The following CENPP variants were observed in gnomAD, a reference collection of about 807,000 sequenced individuals.
CENPP encodes centromere protein P.
Under a neutral mutation model 35.6 loss-of-function variants are expected in CENPP, and 24 were observed. That is an observed-to-expected ratio of 0.67 (90% CI 0.49 to 0.95). The LOEUF is 0.95. CENPP is among the 40% of genes least tolerant of loss of function. CENPP has a pLI of 0.00. For synonymous variants in CENPP, 120 were observed against 125.5 expected (o/e 0.96, Z 0.29); for missense variants, 332 against 345.3 (o/e 0.96, Z 0.31).
intron 5 of CENPP, chr9:92,384,922 C>T (rs1319748267): frequency 6.6e-6 from 1 of 152,234 alleles, no homozygotes; most frequent in African/African-American, 2.4e-5. Flanking sequence ...TTTTGGTAGA[C>T]TTAGAATGTT....
chr9:92,367,258 T>G (rs1841910072), intron 4 of CENPP, among the ~76,000 whole-genome samples: 1 of 151,826 alleles, frequency 6.6e-6, no homozygotes, highest in Non-Finnish European at 1.5e-5. Context: ...CCTCCACCTC[T>G]CGGGTTCAAG....
chr9:92,404,316 C>T (rs1048647440), intron 5 of CENPP, among the ~76,000 whole-genome samples: 5 of 152,090 alleles, frequency 3.3e-5, no homozygotes, highest in African/African-American at 1.2e-4. Flanking sequence ...CTGCAGCACC[C>T]TATTCTTGCC....
intron 5 of CENPP, among the ~76,000 whole-genome samples, chr9:92,605,173 G>A (rs773547043): frequency 5.9e-5 from 9 of 151,658 alleles, no homozygotes; most frequent in Non-Finnish European, 1.2e-4. Flanking sequence ...TAGAGAAGGG[G>A]TTACACCATG....
intron 5 of CENPP, among the ~76,000 whole-genome samples, chr9:92,528,776 G>A (rs570421208): frequency 3.4e-4 from 52 of 152,258 alleles, no homozygotes; most frequent in African/African-American, 9.1e-4. Context: ...ATTAAACTGC[G>A]TACAATAACT....
chr9:92,546,353 G>C (rs533573606), intron 5 of CENPP, among the ~76,000 whole-genome samples: 1 of 152,294 alleles, frequency 6.6e-6, no homozygotes, highest in South Asian at 2.1e-4. Context: ...CTGTGTGGAA[G>C]CTTTGTTCTT....
intron 2 of CENPP, among the ~76,000 whole-genome samples, chr9:92,336,164 T>C (rs570989632): frequency 6.6e-6 from 1 of 152,230 alleles, no homozygotes; most frequent in South Asian, 2.1e-4. Flanking sequence ...CTTCAATCTC[T>C]TTTTTTTCTG....
intron 5 of CENPP, chr9:92,470,639 A>G (rs1314146219): frequency 8.4e-7 from 1 of 1,187,762 alleles, no homozygotes; most frequent in Admixed American, 2.3e-5. Flanking sequence ...TTTCACTTAA[A>G]TCTTTGAAAG....
chr9:92,329,795 C>T (rs1840686046), intron 1 of CENPP, among the ~76,000 whole-genome samples: 1 of 152,182 alleles, frequency 6.6e-6, no homozygotes, highest in Non-Finnish European at 1.5e-5. Flanking sequence ...TGGTCTTGAA[C>T]TCCTGGGCTG....
chr9:92,330,279 G>A (rs1264822309), intron 1 of CENPP, among the ~76,000 whole-genome samples: 2 of 152,170 alleles, frequency 1.3e-5, no homozygotes, highest in Admixed American at 1.3e-4. Context: ...CAGATTCCAA[G>A]AGAAACGATT....
intron 5 of CENPP, chr9:92,496,495 T>C (rs1428481027): frequency 3.1e-6 from 5 of 1,605,568 alleles, no homozygotes; most frequent in South Asian, 2.3e-5. Context: ...TAAGGAAAAA[T>C]AGACATGCAA....
intron 5 of CENPP, among the ~76,000 whole-genome samples, chr9:92,484,699 T>C (rs530826860): frequency 2.5e-4 from 38 of 152,310 alleles, no homozygotes; most frequent in Admixed American, 3.3e-4. Flanking sequence ...GGGACTTGTG[T>C]TTTTCTCTTC....
chr9:92,480,002 A>ATTT (rs1190097752), intron 5 of CENPP, among the ~76,000 whole-genome samples: 2 of 152,216 alleles, frequency 1.3e-5, no homozygotes, highest in Non-Finnish European at 2.9e-5. Context: ...ATTATATGTC[A>ATTT]TTTAAAATGA....
rs918961805 is a variant in CENPP, at chr9:92,528,262, G to A, written c.565-83052G>A. On this transcript the variant is annotated intron_variant, in intron 5 of 7. Coordinates refer to ENST00000375587, the MANE Select transcript of CENPP (RefSeq NM_001012267.3). ...GAAAGGGGATGCAAATCAAATGCCCGGAGAGACCTGTGATTGACCTGCTTA... is the reference window on the plus strand; with the variant it reads ...GAAAGGGGATGCAAATCAAATGCCCAGAGAGACCTGTGATTGACCTGCTTA... 6.0e-4 allele frequency among the ~76,000 whole-genome samples: 91 copies of A among 152,152 alleles called. 1 individual carries two copies. Among genetic ancestry groups the A allele is most frequent in the Admixed American group, 9.2e-4 (14 of 15,280 alleles).
intron 5 of CENPP, among the ~76,000 whole-genome samples, chr9:92,453,275 G>A (rs1390823919): frequency 7.9e-5 from 12 of 152,214 alleles, no homozygotes; most frequent in African/African-American, 2.2e-4. Flanking sequence ...CTTTGAATGT[G>A]TCCCAGGGAT....
chr9:92,604,856 G>T (rs1415958324), intron 5 of CENPP, among the ~76,000 whole-genome samples: 2 of 151,898 alleles, frequency 1.3e-5, no homozygotes, highest in East Asian at 3.9e-4. Context: ...AGCCTACCAA[G>T]GTGCTGGGAT....
intron 5 of CENPP, among the ~76,000 whole-genome samples, chr9:92,485,096 G>T (rs1024953330): frequency 2.0e-5 from 3 of 152,320 alleles, no homozygotes; most frequent in Non-Finnish European, 4.4e-5. Context: ...CCTCACATTT[G>T]CCAGAGATGG....
intron 5 of CENPP, chr9:92,417,002 A>C (rs752834921): frequency 2.0e-5 from 32 of 1,613,968 alleles, no homozygotes; most frequent in Non-Finnish European, 2.5e-5. Flanking sequence ...GGTCAAGTTT[A>C]CTAGCCCATC....
At chr9:92,386,440 C>T (rs1204474732) in intron 5 of CENPP, 3 of 579,658 alleles carry the variant, frequency 5.2e-6, no homozygotes, top group South Asian at 2.1e-5. Context: ...ATCAATTGTT[C>T]GTATGGTAGT....
chr9:92,337,021 T>C (rs1290908005), intron 2 of CENPP, among the ~76,000 whole-genome samples: 1 of 152,138 alleles, frequency 6.6e-6, no homozygotes, highest in African/African-American at 2.4e-5. Context: ...TAACTTTTGG[T>C]ATAGTTGAAA....
Sources: gnomAD v4.1 joint callset for allele counts (sites outside exome capture counted in the v4.1 genomes callset) on GRCh38, gnomAD v4.1.1 for gene constraint, MANE v1.5 for transcripts, NCBI Gene and HGNC (gene_info 2026-07-23, HGNC 2026-07-21) for gene names.